Variants in C12orf54 observed in about 807,000 individuals in gnomAD.
C12orf54 encodes the protein uncharacterized protein C12orf54.
In C12orf54, 24 loss-of-function variants were observed where a neutral mutation model predicts 26.4. The observed-to-expected ratio is 0.91, with a 90% CI of 0.66 to 1.28. C12orf54 has a LOEUF of 1.28. C12orf54 is among the 50% of genes most tolerant of loss of function. The pLI, the probability that C12orf54 is intolerant of heterozygous loss-of-function variation, is 0.00. For missense variants in C12orf54, 154 were observed against 150.9 expected (o/e 1.02, Z -0.11); for synonymous variants, 54 against 47.0 (o/e 1.15, Z -0.61).
At chr12:48,450,039 G>A in the C12orf54 span, among the ~76,000 whole-genome samples, 1 of 152,126 alleles carries the variant, frequency 6.6e-6, no homozygotes, top group Admixed American at 6.6e-5. Context: ...CCATCTATGT[G>A]GAACTGTAAG....
chr12:48,424,108 A>T, the C12orf54 span, among the ~76,000 whole-genome samples: 12 of 152,080 alleles, frequency 7.9e-5, no homozygotes, highest in Admixed American at 7.2e-4. Flanking sequence ...AGATGATCAT[A>T]TGCTTTTCTT....
chr12:48,453,168 C>T, the C12orf54 span, among the ~76,000 whole-genome samples: 10 of 152,202 alleles, frequency 6.6e-5, no homozygotes, highest in African/African-American at 1.2e-4. Flanking sequence ...TAAAAAGGAA[C>T]GAGATCATGT....
At chr12:48,427,886 A>C in the C12orf54 span, among the ~76,000 whole-genome samples, 1 of 152,128 alleles carries the variant, frequency 6.6e-6, no homozygotes. Context: ...TCAACAGTGC[A>C]TAGAACTTTC....
the C12orf54 span, among the ~76,000 whole-genome samples, chr12:48,436,788 C>T: frequency 0.02 from 2,997 of 152,074 alleles, 36 homozygotes; most frequent in Admixed American, 0.027. Flanking sequence ...CACTAAATGC[C>T]CACAAGAGAA....
At chr12:48,467,705 C>T in the C12orf54 span, among the ~76,000 whole-genome samples, 1 of 152,014 alleles carries the variant, frequency 6.6e-6, no homozygotes, top group Admixed American at 6.6e-5. Flanking sequence ...CTTTTGAATT[C>T]ATGGATATTT....
At chr12:48,444,653 T>C in the C12orf54 span, among the ~76,000 whole-genome samples, 2 of 152,152 alleles carry the variant, frequency 1.3e-5, no homozygotes, top group African/African-American at 4.8e-5. Flanking sequence ...CTGCTGCAAT[T>C]TCACTATTCT....
At chr12:48,485,609 C>A (rs1312556019) in intron 2 of C12orf54, among the ~76,000 whole-genome samples, 1 of 152,162 alleles carries the variant, frequency 6.6e-6, no homozygotes, top group African/African-American at 2.4e-5. Flanking sequence ...TATCTGTATA[C>A]ACTGCCTCCT....
the C12orf54 span, among the ~76,000 whole-genome samples, chr12:48,440,645 A>G: frequency 1.3e-5 from 2 of 152,220 alleles, no homozygotes; most frequent in South Asian, 2.1e-4. Context: ...CTGGTTATAC[A>G]TAGGTCCCCT....
At chr12:48,466,186 A>C in the C12orf54 span, among the ~76,000 whole-genome samples, 1 of 152,218 alleles carries the variant, frequency 6.6e-6, no homozygotes, top group African/African-American at 2.4e-5. Flanking sequence ...TTAATCTATT[A>C]TTATAATACA....
chr12:48,492,368 A>C (rs1937807613), intron 6 of C12orf54, among the ~76,000 whole-genome samples: 1 of 152,120 alleles, frequency 6.6e-6, no homozygotes, highest in Non-Finnish European at 1.5e-5. Context: ...GCTGATCCCT[A>C]AGGTTCAAAA....
chr12:48,416,723 A>C, the C12orf54 span, among the ~76,000 whole-genome samples: 1 of 152,178 alleles, frequency 6.6e-6, no homozygotes, highest in South Asian at 2.1e-4. Context: ...TTAGCTGGGC[A>C]TGGTGGCGGG....
At chr12:48,428,134 G>A in the C12orf54 span, among the ~76,000 whole-genome samples, 20 of 151,914 alleles carry the variant, frequency 1.3e-4, no homozygotes, top group African/African-American at 1.9e-4. Context: ...TGACACTAGC[G>A]ACACAACCTA....
chr12:48,437,074 C>T, the C12orf54 span, among the ~76,000 whole-genome samples: 14 of 152,000 alleles, frequency 9.2e-5, no homozygotes, highest in Non-Finnish European at 7.4e-5. Flanking sequence ...GGGATATCAC[C>T]ACCGATCCCA....
chr12:48,462,284 G>A, the C12orf54 span, among the ~76,000 whole-genome samples: 2 of 151,102 alleles, frequency 1.3e-5, no homozygotes, highest in South Asian at 2.1e-4. Context: ...AAAAATTTAG[G>A]CCCATATGGC....
At chr12:48,444,077 G>T in the C12orf54 span, among the ~76,000 whole-genome samples, 1 of 152,204 alleles carries the variant, frequency 6.6e-6, no homozygotes, top group African/African-American at 2.4e-5. Flanking sequence ...GAATTATGAA[G>T]TTGGGAGTTT....
the C12orf54 span, among the ~76,000 whole-genome samples, chr12:48,422,158 C>G: frequency 1.3e-5 from 2 of 152,114 alleles, no homozygotes; most frequent in African/African-American, 4.8e-5. Flanking sequence ...CTCAGATTCT[C>G]TAATGAATAT....
chr12:48,452,094 G>A, the C12orf54 span, among the ~76,000 whole-genome samples: 16 of 152,072 alleles, frequency 1.1e-4, no homozygotes, highest in Non-Finnish European at 2.4e-4. Flanking sequence ...ATACTGCAGG[G>A]ATACAGTAAC....
intron 4 of C12orf54, chr12:48,488,599 T>C (rs1232968670): frequency 2.5e-6 from 1 of 402,926 alleles, no homozygotes; most frequent in Non-Finnish European, 4.5e-6. Flanking sequence ...ATACCTATGC[T>C]AAGCTTCAGA....
the C12orf54 span, chr12:48,472,922 G>A: frequency 1.2e-6 from 2 of 1,614,164 alleles, no homozygotes; most frequent in East Asian, 2.2e-5. Flanking sequence ...TGGCAGAAAA[G>A]TGTCCAAACC....
Sources: allele counts gnomAD v4.1 joint callset (sites outside exome capture counted in the v4.1 genomes callset), GRCh38; gene constraint gnomAD v4.1.1; transcripts MANE v1.5; gene names NCBI Gene and HGNC (gene_info 2026-07-23, HGNC 2026-07-21).